Variants in MCUB observed in about 807,000 individuals in gnomAD.
MCUB encodes calcium uniporter regulatory subunit MCUb, mitochondrial.
Under a neutral mutation model 41.4 loss-of-function variants are expected in MCUB, and 46 were observed. The observed-to-expected ratio is 1.11, with a 90% CI of 0.88 to 1.42. MCUB has a LOEUF of 1.42. Ranked by LOEUF, MCUB falls within the 40% of genes most tolerant of loss-of-function variation. The pLI is 0.00. For missense variants in MCUB, 403 were observed against 404.9 expected (o/e 1.00, Z 0.04); for synonymous variants, 148 against 148.2 (o/e 1.00, Z 0.01).
At chr4:109,666,271 G>C (rs2126146266) in intron 4 of MCUB, among the ~76,000 whole-genome samples, 1 of 152,288 alleles carries the variant, frequency 6.6e-6, no homozygotes, top group South Asian at 2.1e-4. Context: ...CACATGCGCA[G>C]GCTTTTGTTT....
At chr4:109,652,007 G>A (rs185130114) in intron 1 of MCUB, among the ~76,000 whole-genome samples, 1 of 152,294 alleles carries the variant, frequency 6.6e-6, no homozygotes, top group African/African-American at 2.4e-5. Context: ...AAAGTTCAAG[G>A]TGTTGGCTCA....
rs1418181056 is a variant in MCUB, at chr4:109,687,504, T to TC, written c.934-8dup. 1 of 1,598,034 alleles carries TC rather than the reference T, an allele frequency of 6.3e-7. No individual in the cohort carries two copies. The highest frequency in any genetic ancestry group is 1.7e-5 in the Admixed American group (1 of 59,586). On this transcript the variant is annotated splice_polypyrimidine_tract_variant and intron_variant, in intron 7 of 7. Transcript: ENST00000394650. ...TTTCTGATCACATGCTTTTTCTTTT[T>TC]CCCATGACAGGCTAAAGAATCCCTG...
At chr4:109,637,146 G>A (rs1728612265) in intron 1 of MCUB, among the ~76,000 whole-genome samples, 1 of 152,208 alleles carries the variant, frequency 6.6e-6, no homozygotes, top group South Asian at 2.1e-4. Flanking sequence ...CTTACCTGCT[G>A]ATGAGGAAGA....
At position 109,615,466 on chromosome 4, in the gene MCUB, T is replaced by C. The variant is rs1333810824; in HGVS notation, c.100-43545T>C. Reference sequence around the variant, plus strand: ...TAGCTCCCAGGCTGGAGTGCAGTGGTGCGATCTCGGCTCACTGCAACCTCC... The same window carrying C: ...TAGCTCCCAGGCTGGAGTGCAGTGGCGCGATCTCGGCTCACTGCAACCTCC... On this transcript the variant is annotated intron_variant, in intron 1 of 7. Transcript: ENST00000394650. Among the ~76,000 whole-genome samples, 5 of 150,870 alleles carry C rather than the reference T, an allele frequency of 3.3e-5. No individual in the cohort carries two copies. The East Asian group carries it at 5.9e-4, about 18-fold the overall frequency.
At position 109,602,644 on chromosome 4, in the gene MCUB, T is replaced by C. The variant is rs1459417461; in HGVS notation, c.99+42208T>C. Reference sequence around the variant, plus strand: ...TAATTTGAACTCAGGTAATGTGATTTCTCCAGTTTTGTTCTTTTTGCTTAG... The same window carrying C: ...TAATTTGAACTCAGGTAATGTGATTCCTCCAGTTTTGTTCTTTTTGCTTAG... On this transcript the variant is annotated intron_variant, in intron 1 of 7. Transcript: ENST00000394650. Among the ~76,000 whole-genome samples, 4 of 152,288 alleles carry C rather than the reference T, an allele frequency of 2.6e-5. No homozygotes were observed. In the East Asian group the frequency reaches 7.7e-4, roughly 29 times the overall value.
chr4:109,687,432 A>C lies in MCUB; in HGVS notation c.934-83A>C, dbSNP rs948874540. The C allele has an allele frequency of 1.2e-4, 110 of 924,406 alleles. 1 individual carries two copies. The South Asian group carries it at 1.5e-3, about 12-fold the overall frequency. The allele number at this position is 924,406 out of a possible 1,614,324, so 57.3% of individuals were successfully genotyped here. A position where few individuals can be genotyped will look rare whatever the true frequency, so the allele number is the denominator to read the frequency against. The stretch of plus-strand genomic sequence containing the variant: ...ATTTTATTGCTGTAAGGAGACGCTA[A>C]GTTTATAGAATTCCTCTCAAGCAGT... On this transcript the variant is annotated intron_variant, in intron 7 of 7. Coordinates refer to ENST00000394650, the MANE Select transcript of MCUB (RefSeq NM_017918.5).
intron 1 of MCUB, among the ~76,000 whole-genome samples, chr4:109,648,956 G>A (rs566154090): frequency 2.1e-4 from 31 of 149,018 alleles, no homozygotes; most frequent in African/African-American, 7.5e-4. Flanking sequence ...TAAGTGACAC[G>A]GAAAACAACA....
At chr4:109,645,412 A>G (rs975199169) in intron 1 of MCUB, among the ~76,000 whole-genome samples, 9 of 151,536 alleles carry the variant, frequency 5.9e-5, no homozygotes, top group African/African-American at 2.2e-4. Context: ...TCCCCCACCA[A>G]CCAATTCCAG....
intron 1 of MCUB, among the ~76,000 whole-genome samples, chr4:109,634,898 C>T: frequency 1.3e-5 from 2 of 152,106 alleles, no homozygotes; most frequent in East Asian, 1.9e-4. Context: ...TGGTTTGCTG[C>T]ACCCATCAAC....
chr4:109,586,298 CCAT>C (rs1231106291), intron 1 of MCUB, among the ~76,000 whole-genome samples: 1 of 152,116 alleles, frequency 6.6e-6, no homozygotes, highest in Non-Finnish European at 1.5e-5. Flanking sequence ...GTTTTCAGTT[CCAT>C]CAGGTCATTT....
chr4:109,560,247 C>G lies in MCUB; in HGVS notation c.-91C>G, dbSNP rs1268441752. 5.0e-6 allele frequency: 3 copies of G among 605,576 alleles called. No individual in the cohort carries two copies. Among genetic ancestry groups the G allele is most frequent in the Non-Finnish European group, 7.2e-6 (3 of 419,118 alleles). The allele number at this position is 605,576 out of a possible 1,614,324, so 37.5% of individuals were successfully genotyped here. A position where few individuals can be genotyped will look rare whatever the true frequency, so the allele number is the denominator to read the frequency against. On this transcript the variant is annotated 5_prime_UTR_variant, in exon 1 of 8. Transcript: ENST00000394650. ...CGAGCAGGCGGGGCGGGAGCGCCCA[C>G]AGCTCGGAGCCACCAGGCGCTGACG... is the stretch of plus-strand genomic sequence containing the variant.
At chr4:109,563,157 C>G (rs756310778) in intron 1 of MCUB, among the ~76,000 whole-genome samples, 1 of 152,214 alleles carries the variant, frequency 6.6e-6, no homozygotes, top group Non-Finnish European at 1.5e-5. Flanking sequence ...ACAGAAAGCC[C>G]TTGCCTAAAT....
intron 1 of MCUB, among the ~76,000 whole-genome samples, chr4:109,599,404 T>G (rs539693864): frequency 6.6e-6 from 1 of 152,064 alleles, no homozygotes; most frequent in South Asian, 2.1e-4. Context: ...CAACCTTTAC[T>G]CTTTTTTCTG....
chr4:109,612,446 A>G (rs1288111372), intron 1 of MCUB, among the ~76,000 whole-genome samples: 1 of 151,756 alleles, frequency 6.6e-6, no homozygotes, highest in East Asian at 1.9e-4. Context: ...TTTGTATTTT[A>G]GTAGATATGG....
chr4:109,600,571 T>C (rs197215), intron 1 of MCUB, among the ~76,000 whole-genome samples: 76,419 of 152,040 alleles, frequency 0.5, 19,699 homozygotes, highest in South Asian at 0.62. Flanking sequence ...CACACTGACC[T>C]AAATGGGGTT....
intron 1 of MCUB, among the ~76,000 whole-genome samples, chr4:109,600,088 A>T (rs1310029285): frequency 6.6e-6 from 1 of 152,164 alleles, no homozygotes; most frequent in Non-Finnish European, 1.5e-5. Flanking sequence ...GATTTAAGGG[A>T]TGTATTATCT....
At chr4:109,669,665 G>A (rs4698776) in intron 4 of MCUB, among the ~76,000 whole-genome samples, 56,935 of 149,496 alleles carry the variant, frequency 0.38, 11,182 homozygotes, top group East Asian at 0.52. Flanking sequence ...TTCATTTTGT[G>A]GCTGTCCTAA....
chr4:109,623,420 A>T (rs1227962273), intron 1 of MCUB, among the ~76,000 whole-genome samples: 2 of 152,220 alleles, frequency 1.3e-5, no homozygotes, highest in African/African-American at 4.8e-5. Context: ...CCAGTGCTTC[A>T]AAAGGCATCA....
chr4:109,568,398 A>G (rs777222042), intron 1 of MCUB, among the ~76,000 whole-genome samples: 2 of 152,138 alleles, frequency 1.3e-5, no homozygotes, highest in South Asian at 4.2e-4. Flanking sequence ...CTTCTGCTCT[A>G]TCTCTTCCGT....
Sources: gnomAD v4.1 joint callset for allele counts (sites outside exome capture counted in the v4.1 genomes callset) on GRCh38, gnomAD v4.1.1 for gene constraint, MANE v1.5 for transcripts, NCBI Gene and HGNC (gene_info 2026-07-23, HGNC 2026-07-21) for gene names.